The following LAMTOR3 variants were observed in gnomAD, a reference collection of about 807,000 sequenced individuals.
LAMTOR3 encodes ragulator complex protein LAMTOR3.
A neutral mutation model predicts 20.3 loss-of-function variants in LAMTOR3; 14 were observed. That is an observed-to-expected ratio of 0.69 (90% CI 0.46 to 1.08). LAMTOR3 has a LOEUF of 1.08. Among genes scored for constraint, LAMTOR3 ranks in the 50% least tolerant of loss-of-function variants. The pLI is 0.00. For missense variants in LAMTOR3, 125 were observed against 143.7 expected (o/e 0.87, Z 0.67); for synonymous variants, 40 against 49.4 (o/e 0.81, Z 0.80).
At chr4:99,885,108 A>T (rs1724897776) in intron 5 of LAMTOR3, among the ~76,000 whole-genome samples, 1 of 152,196 alleles carries the variant, frequency 6.6e-6, no homozygotes. Flanking sequence ...CTTTCCCACA[A>T]ATAATAATCT....
chr4:99,892,133 C>T, intron 2 of LAMTOR3, 99 bp from the exon 3 acceptor site: 2 of 1,445,100 alleles, frequency 1.4e-6, no homozygotes, highest in Non-Finnish European at 9.1e-7. Context: ...AGTTATCATT[C>T]ATAACCTTTC....
At chr4:99,885,736 C>G (rs545259855) in intron 4 of LAMTOR3, 61 bp from the exon 5 acceptor site, 1 of 1,410,388 alleles carries the variant, frequency 7.1e-7, no homozygotes, top group South Asian at 1.3e-5. Flanking sequence ...AGATTTACAG[C>G]CCTTTTTTTT....
At chr4:99,894,533 C>G (rs1725096329), upstream of LAMTOR3, 1 of 150,996 alleles carries the variant, frequency 6.6e-6, no homozygotes. Context: ...CCGGCGGCCG[C>G]GCCCCTCCCC....
chr4:99,893,703 G>A (rs551049458), intron 2 of LAMTOR3, among the ~76,000 whole-genome samples: 30 of 152,234 alleles, frequency 2.0e-4, no homozygotes, highest in African/African-American at 7.2e-4. Context: ...CTGGGGAGTA[G>A]GGAGAACCTA....
chr4:99,893,064 A>G (rs1333626190), intron 2 of LAMTOR3, among the ~76,000 whole-genome samples: 1 of 151,944 alleles, frequency 6.6e-6, no homozygotes, highest in Non-Finnish European at 1.5e-5. Context: ...GTAGAAGACT[A>G]TTTTATTTTT....
In LAMTOR3 at chr4:99,885,617, G is replaced by A. The variant is rs1253267345; in HGVS notation, c.162C>T (p.Ala54=). 1 of 1,613,468 alleles carries A rather than the reference G, an allele frequency of 6.2e-7. No homozygotes were observed. Among genetic ancestry groups the A allele is most frequent in the South Asian group, 1.1e-5 (1 of 91,058 alleles). ...GTTTGCTTCCTTGGTCTGTTGCAAGGGCAAAAGTGGATAAGAAACCAGGTC... is the reference window on the plus strand; with the variant it reads ...GTTTGCTTCCTTGGTCTGTTGCAAGAGCAAAAGTGGATAAGAAACCAGGTC... ...ALRPGFLSTF[A]LATDQGSKLG... Residue 54 remains alanine (A), a synonymous_variant, in exon 5 of 7, where the codon GCC becomes GCT. Transcript: ENST00000499666.
At position 99,893,939 on chromosome 4, in the gene LAMTOR3, T is replaced by C; in HGVS notation, c.9+16A>G. ...TCCCCACTCTCCCCTTCCTCTTATG[T>C]AGGGGTGTCACTCACATCCGCCATG... On this transcript the variant is annotated intron_variant, in intron 2 of 6. Transcript: ENST00000499666. The C allele has an allele frequency of 1.3e-6, 2 of 1,527,016 alleles. No individual in the cohort carries two copies. The highest frequency in any genetic ancestry group is 1.8e-6 in the Non-Finnish European group (2 of 1,130,428). 94.6% of individuals were successfully genotyped at this position (1,527,016 alleles called of 1,614,324 possible). A position where few individuals can be genotyped will look rare whatever the true frequency, so the allele number is the denominator to read the frequency against.
intron 2 of LAMTOR3, among the ~76,000 whole-genome samples, chr4:99,893,655 T>C (rs1156254579): frequency 6.6e-6 from 1 of 152,138 alleles, no homozygotes; most frequent in African/African-American, 2.4e-5. Context: ...GAATTTCAAA[T>C]GGTAAATATA....
chr4:99,883,671 A>C (rs913524076), intron 6 of LAMTOR3, among the ~76,000 whole-genome samples: 5 of 151,828 alleles, frequency 3.3e-5, no homozygotes, highest in Non-Finnish European at 7.4e-5. Flanking sequence ...TCTGTAACTC[A>C]TCGATCATTT....
rs1725085783 is a variant in LAMTOR3 at position 99,894,371 on chromosome 4, ACTTC to A, written c.-78_-75del. The A allele has an allele frequency of 5.5e-6, 1 of 180,438 alleles. No individual in the cohort carries two copies. The highest frequency in any genetic ancestry group is 2.3e-5 in the African/African-American group (1 of 42,722). 11.2% of individuals were successfully genotyped at this position (180,438 alleles called of 1,614,324 possible). On this transcript the variant is annotated 5_prime_UTR_variant, in exon 1 of 7. Coordinates refer to ENST00000499666, the MANE Select transcript of LAMTOR3 (RefSeq NM_021970.4). ...GGGCTGCCTGGTTCTCTCCGCTGTC[ACTTC>A]AGGGACAGCTTTAAAGACAGGTTCC... is the stretch of plus-strand genomic sequence containing the variant.
At chr4:99,893,338 A>G (rs541272758) in intron 2 of LAMTOR3, among the ~76,000 whole-genome samples, 12 of 152,238 alleles carry the variant, frequency 7.9e-5, no homozygotes, top group African/African-American at 2.9e-4. Flanking sequence ...TTGTCTCATT[A>G]CACTCTCTTA....
At chr4:99,882,949 C>A (rs1033725597) in intron 6 of LAMTOR3, among the ~76,000 whole-genome samples, 25 of 151,864 alleles carry the variant, frequency 1.6e-4, no homozygotes, top group African/African-American at 5.8e-4. Flanking sequence ...TATGTTCAAA[C>A]AAATAAAGAT....
intron 2 of LAMTOR3, 79 bp from the exon 3 acceptor site, chr4:99,892,113 A>C: frequency 2.0e-6 from 3 of 1,472,822 alleles, no homozygotes; most frequent in Non-Finnish European, 2.7e-6. Context: ...TCCAAATTTT[A>C]AGGAACTTCA....
chr4:99,883,686 G>A (rs1159527859), intron 6 of LAMTOR3, among the ~76,000 whole-genome samples: 1 of 151,330 alleles, frequency 6.6e-6, no homozygotes, highest in African/African-American at 2.4e-5. Flanking sequence ...TCATTTTAAT[G>A]CGTTTTGTTG....
chr4:99,890,276 A>G (rs1459520077), intron 3 of LAMTOR3, among the ~76,000 whole-genome samples: 2 of 152,246 alleles, frequency 1.3e-5, no homozygotes, highest in African/African-American at 4.8e-5. Flanking sequence ...GGGATTATTA[A>G]AGCCTGAGAC....
chr4:99,887,637 C>A (rs950209728), intron 3 of LAMTOR3, among the ~76,000 whole-genome samples: 7 of 152,116 alleles, frequency 4.6e-5, no homozygotes, highest in Non-Finnish European at 8.8e-5. Context: ...GTCCATGGTA[C>A]ACAAAAGCAT....
Position 99,881,465 on chromosome 4 carries a change from A to C in LAMTOR3, c.*529T>G, listed in dbSNP as rs1210193612. The stretch of plus-strand genomic sequence containing the variant: ...GATTAGTAATATTCATCTATACTGC[A>C]AAATAATATGTACAAAGGAAAGTTA... On this transcript the variant is annotated 3_prime_UTR_variant, in exon 7 of 7. Coordinates refer to ENST00000499666, the MANE Select transcript of LAMTOR3 (RefSeq NM_021970.4). 1 of 152,548 alleles carries C rather than the reference A, an allele frequency of 6.6e-6. No individual in the cohort carries two copies. The highest frequency in any genetic ancestry group is 2.4e-5 in the African/African-American group (1 of 41,468). The allele number at this position is 152,548 out of a possible 1,614,324, so 9.4% of individuals were successfully genotyped here. A position where few individuals can be genotyped will look rare whatever the true frequency, so the allele number is the denominator to read the frequency against.
At chr4:99,884,010 T>C in intron 6 of LAMTOR3, 52 bp downstream of exon 6, 1 of 1,278,898 alleles carries the variant, frequency 7.8e-7, no homozygotes, top group Non-Finnish European at 1.1e-6. Flanking sequence ...GGTAATTAAA[T>C]TAATTTTTTA....
intron 6 of LAMTOR3, among the ~76,000 whole-genome samples, chr4:99,883,027 T>C (rs1253460889): frequency 2.0e-5 from 3 of 152,072 alleles, no homozygotes; most frequent in Non-Finnish European, 4.4e-5. Context: ...TACTAAAATA[T>C]TGTTCTGTAC....
Sources: allele counts gnomAD v4.1 joint callset (sites outside exome capture counted in the v4.1 genomes callset), GRCh38; gene constraint gnomAD v4.1.1; transcripts MANE v1.5; gene names NCBI Gene and HGNC (gene_info 2026-07-23, HGNC 2026-07-21).